RPS6KA2: variants seen among roughly 807,000 people sequenced by gnomAD.
RPS6KA2 encodes ribosomal protein S6 kinase A2.
A neutral mutation model predicts 91.8 loss-of-function variants in RPS6KA2; 42 were observed. The ratio of observed to expected loss-of-function variants is 0.46; its 90% CI spans 0.36 to 0.59. The LOEUF (loss-of-function observed/expected upper bound fraction) is 0.59. Ranked by LOEUF, RPS6KA2 falls within the 20% of genes least tolerant of loss-of-function variation. The pLI is 0.00. For synonymous variants in RPS6KA2, 414 were observed against 393.6 expected, an observed-to-expected ratio of 1.05 and a Z score of -0.61; for missense variants, 798 against 978.5, an observed-to-expected ratio of 0.82 and a Z score of 2.46.
intron 2 of RPS6KA2, among the ~76,000 whole-genome samples, chr6:166,749,821 G>A (rs1221663692): frequency 7.1e-6 from 1 of 140,588 alleles, no homozygotes; most frequent in African/African-American, 2.6e-5. Context: ...GCACTGCCTG[G>A]CTGGGAGCTG....
chr6:166,787,093 T>C (rs906487434), intron 2 of RPS6KA2, among the ~76,000 whole-genome samples: 1 of 152,188 alleles, frequency 6.6e-6, no homozygotes, highest in East Asian at 1.9e-4. Flanking sequence ...TTATTTTGCA[T>C]AAAATAAGAT....
rs1483768870 is a variant in RPS6KA2, at chr6:166,451,190, A to G, written c.1119T>C (p.Phe373=). The G allele has an allele frequency of 1.2e-6, 2 of 1,614,038 alleles. No homozygotes were observed. The highest frequency in any genetic ancestry group is 1.7e-5 in the Admixed American group (1 of 60,018). Residue 373 remains phenylalanine (F), a synonymous_variant, in exon 13 of 21, where the codon TTT becomes TTC. Transcript: ENST00000265678. ...VPPSANAHHL[F]RGFSFVASSL... is the part of the protein sequence containing the mutation. Reference sequence around the variant, plus strand: ...TTGAGGCCACAAAGCTGAATCCTCTAAACAGGTGATGAGCGTTTGCACTCG... The same window carrying G: ...TTGAGGCCACAAAGCTGAATCCTCTGAACAGGTGATGAGCGTTTGCACTCG...
intron 10 of RPS6KA2, among the ~76,000 whole-genome samples, chr6:166,472,099 C>T (rs1780793480): frequency 1.3e-5 from 2 of 152,210 alleles, no homozygotes; most frequent in Non-Finnish European, 2.9e-5. Context: ...CAGAAAGACC[C>T]TCCTCTGAAG....
At chr6:166,834,501 A>T (rs915063846) in intron 2 of RPS6KA2, among the ~76,000 whole-genome samples, 3 of 152,292 alleles carry the variant, frequency 2.0e-5, no homozygotes, top group Admixed American at 6.5e-5. Flanking sequence ...ATCAGAAAAA[A>T]ATATTGGGTA....
chr6:166,810,443 C>A (rs1279017818), intron 2 of RPS6KA2, among the ~76,000 whole-genome samples: 1 of 152,058 alleles, frequency 6.6e-6, no homozygotes. Flanking sequence ...AAAAAGGAGG[C>A]AAACAGATAC....
chr6:166,756,245 G>A (rs528906833), intron 2 of RPS6KA2, among the ~76,000 whole-genome samples: 12 of 152,042 alleles, frequency 7.9e-5, no homozygotes, highest in Non-Finnish European at 1.5e-4. Context: ...AGCCGAGATC[G>A]CACCACTGCA....
At chr6:166,615,184 A>G (rs1323887328) in intron 1 of RPS6KA2, among the ~76,000 whole-genome samples, 1 of 152,328 alleles carries the variant, frequency 6.6e-6, no homozygotes, top group African/African-American at 2.4e-5. Context: ...CAGTTCTGAT[A>G]ATTAACATTC....
At chr6:166,655,230 T>C (rs1787970058) in intron 2 of RPS6KA2, among the ~76,000 whole-genome samples, 1 of 152,232 alleles carries the variant, frequency 6.6e-6, no homozygotes, top group Admixed American at 6.5e-5. Flanking sequence ...TTAATGATCA[T>C]ACTTCAGTGT....
chr6:166,434,486 C>T lies in RPS6KA2; in HGVS notation c.1333-1996G>A, dbSNP rs1426895251. 6.6e-6 allele frequency among the ~76,000 whole-genome samples: 1 copy of T among 152,182 alleles called. No individual in the cohort carries two copies. The highest frequency in any genetic ancestry group is 2.4e-5 in the African/African-American group (1 of 41,440). On this transcript the variant is annotated intron_variant, in intron 14 of 20. Coordinates refer to ENST00000265678, the MANE Select transcript of RPS6KA2 (RefSeq NM_021135.6). This position sits in a 1 kb window ranked among gnomAD's most constrained non-coding sequence, Gnocchi z 4.4. ...CTAACATGCCACAGCCTAAGCAGGT[C>T]CTGGGAGGCTGGTCCTGCACTGCTT...
In RPS6KA2 at chr6:166,423,557, T is replaced by A; in HGVS notation, c.1582-140A>T. 1 of 739,372 alleles carries A rather than the reference T, an allele frequency of 1.4e-6. No homozygotes were observed. Among genetic ancestry groups the A allele is most frequent in the Non-Finnish European group, 2.1e-6 (1 of 467,024 alleles). 45.8% of individuals were successfully genotyped at this position (739,372 alleles called of 1,614,324 possible). A position where few individuals can be genotyped will look rare whatever the true frequency, so the allele number is the denominator to read the frequency against. ...GCAAGCAGGCAACAGGCCAACAGTG[T>A]CAACAGCTGCTGTCTTCTCCAGAGG... On this transcript the variant is annotated intron_variant, in intron 16 of 20. Transcript: ENST00000265678. The surrounding 1 kb of genome is among the most constrained non-coding windows in gnomAD (Gnocchi z 4.8).
At chr6:166,800,918 A>C (rs1779350109) in intron 2 of RPS6KA2, among the ~76,000 whole-genome samples, 1 of 152,270 alleles carries the variant, frequency 6.6e-6, no homozygotes, top group Non-Finnish European at 1.5e-5. Context: ...TCCTCATTTC[A>C]GCATTTAAAG....
chr6:166,654,259 G>A (rs1787942943), intron 2 of RPS6KA2, among the ~76,000 whole-genome samples: 2 of 152,166 alleles, frequency 1.3e-5, no homozygotes, highest in African/African-American at 4.8e-5. Flanking sequence ...TTGAAAATTA[G>A]ATATTTTTCT....
intron 2 of RPS6KA2, among the ~76,000 whole-genome samples, chr6:166,774,160 A>T (rs1462050649): frequency 1.3e-5 from 2 of 152,182 alleles, no homozygotes; most frequent in Non-Finnish European, 2.9e-5. Context: ...TTTGATCCTC[A>T]GGGGTCTTTT....
intron 2 of RPS6KA2, among the ~76,000 whole-genome samples, chr6:166,690,980 C>A (rs1789191802): frequency 6.6e-6 from 1 of 152,132 alleles, no homozygotes; most frequent in African/African-American, 2.4e-5. Flanking sequence ...TTAATGTGAT[C>A]ATCAACAGTA....
rs529032643 is a variant in RPS6KA2 at position 166,697,623 on chromosome 6, T to C, written c.124-158839A>G. Reference sequence around the variant, plus strand: ...AGCGAGAAGATGGAGGGAACCTTGGTTGCTGGATGACCTGGTGGAGCAGAG... The same window carrying C: ...AGCGAGAAGATGGAGGGAACCTTGGCTGCTGGATGACCTGGTGGAGCAGAG... On this transcript the variant is annotated intron_variant, in intron 2 of 21. Transcript: ENST00000503859. Among the ~76,000 whole-genome samples the C allele has an allele frequency of 7.2e-5, 11 of 152,334 alleles. No individual in the cohort carries two copies. In the East Asian group the frequency reaches 1.5e-3, roughly 21 times the overall value.
chr6:166,688,330 G>T (rs1233881893), intron 2 of RPS6KA2, among the ~76,000 whole-genome samples: 2 of 152,118 alleles, frequency 1.3e-5, no homozygotes, highest in Non-Finnish European at 2.9e-5. Context: ...ACTGCACAGG[G>T]CCCCCGCCAG....
intron 2 of RPS6KA2, among the ~76,000 whole-genome samples, chr6:166,773,772 C>T (rs543748621): frequency 3.3e-5 from 5 of 152,238 alleles, no homozygotes; most frequent in African/African-American, 4.8e-5. Context: ...CGTCAAAATA[C>T]GTTTAACATG....
At chr6:166,661,098 C>CTTTTTCTCTTTTCTTT (rs1554244492) in intron 2 of RPS6KA2, among the ~76,000 whole-genome samples, 3 of 151,658 alleles carry the variant, frequency 2.0e-5, no homozygotes, top group Non-Finnish European at 4.4e-5. Flanking sequence ...TGGCCAAAAT[C>CTTTTTCTCTTTTCTTT]TTTTTCTTTT....
intron 2 of RPS6KA2, among the ~76,000 whole-genome samples, chr6:166,837,334 C>T (rs1583167906): frequency 6.6e-6 from 1 of 152,194 alleles, no homozygotes; most frequent in African/African-American, 2.4e-5. Context: ...CTTCCCTGGG[C>T]CAGAGGCCAC....
Sources: gnomAD v4.1 joint callset for allele counts (sites outside exome capture counted in the v4.1 genomes callset) on GRCh38, gnomAD v4.1.1 for gene constraint, Gnocchi (gnomAD v3.1) non-coding constraint, MANE v1.5 for transcripts, NCBI Gene and HGNC (gene_info 2026-07-23, HGNC 2026-07-21) for gene names.